Variants in CHKA observed in about 807,000 individuals in gnomAD.
CHKA encodes the protein CHETK-alpha.
A neutral mutation model predicts 60.1 loss-of-function variants in CHKA; 34 were observed. That is an observed-to-expected ratio of 0.57 (90% CI 0.43 to 0.75). The LOEUF is 0.75. CHKA is among the 30% of genes least tolerant of loss of function. The probability of loss-of-function intolerance (pLI) is 0.00; values close to 1 mark genes in which losing one functional copy is unlikely to be tolerated. For missense variants in CHKA, 563 were observed against 561.3 expected, an observed-to-expected ratio of 1.00 and a Z score of -0.03; for synonymous variants, 217 against 223.1, an observed-to-expected ratio of 0.97 and a Z score of 0.24.
chr11:68,064,407 C>CAAAAAAAAAAA, intron 10 of CHKA, 118 bp downstream of exon 10: 1 of 421,642 alleles, frequency 2.4e-6, no homozygotes, highest in South Asian at 3.1e-5. Context: ...GACTCTGTCT[C>CAAAAAAAAAAA]AAAAAAAAAA....
At chr11:68,064,988 T>G (rs1306145760) in intron 9 of CHKA, among the ~76,000 whole-genome samples, 1 of 152,218 alleles carries the variant, frequency 6.6e-6, no homozygotes, top group Non-Finnish European at 1.5e-5. Context: ...AGTGCTGGGC[T>G]GAGGAATGGG....
At chr11:68,083,278 G>C (rs1233145937) in intron 2 of CHKA, among the ~76,000 whole-genome samples, 1 of 152,042 alleles carries the variant, frequency 6.6e-6, no homozygotes, top group Non-Finnish European at 1.5e-5. Context: ...TCCCATCCAG[G>C]GTCTTGGTAA....
intron 10 of CHKA, among the ~76,000 whole-genome samples, chr11:68,062,771 G>A (rs1463997167): frequency 1.3e-5 from 2 of 152,094 alleles, no homozygotes; most frequent in East Asian, 1.9e-4. Context: ...TCCTCCATCT[G>A]TTTTTTTCTA....
intron 2 of CHKA, among the ~76,000 whole-genome samples, chr11:68,093,118 T>C (rs11228129): frequency 0.64 from 97,447 of 151,318 alleles, 31,531 homozygotes; most frequent in Middle Eastern, 0.75. Flanking sequence ...AGAGATCTTC[T>C]CACCTCAGCC....
At chr11:68,069,042 C>CA in intron 6 of CHKA, 105 bp from the exon 7 acceptor site, 7 of 782,374 alleles carry the variant, frequency 8.9e-6, no homozygotes, top group Non-Finnish European at 1.3e-5. Context: ...CAAAGCAACA[C>CA]ACAGTTTCAG....
At chr11:68,087,696 C>G (rs1369169048) in intron 2 of CHKA, among the ~76,000 whole-genome samples, 2 of 152,142 alleles carry the variant, frequency 1.3e-5, no homozygotes, top group African/African-American at 2.4e-5. Flanking sequence ...CCTACCACCC[C>G]TTCCTCACCA....
chr11:68,098,510 G>A (rs1857588400), intron 1 of CHKA, among the ~76,000 whole-genome samples: 1 of 152,242 alleles, frequency 6.6e-6, no homozygotes, highest in African/African-American at 2.4e-5. Context: ...TGGAAATGGG[G>A]AGTTGGTTTA....
chr11:68,090,192 T>G (rs1023915045), intron 2 of CHKA, among the ~76,000 whole-genome samples: 2 of 152,178 alleles, frequency 1.3e-5, no homozygotes, highest in Non-Finnish European at 2.9e-5. Context: ...TGGGAGAGTA[T>G]CAGCTAAAGA....
chr11:68,113,136 CAATT>C (rs1858241185), intron 1 of CHKA, among the ~76,000 whole-genome samples: 1 of 26,232 alleles, frequency 3.8e-5, no homozygotes, highest in African/African-American at 1.3e-4. Flanking sequence ...AAAAAAAAAA[CAATT>C]AAATTAAAAT....
intron 11 of CHKA, among the ~76,000 whole-genome samples, chr11:68,061,053 G>A (rs1405081564): frequency 7.3e-6 from 1 of 136,966 alleles, no homozygotes; most frequent in African/African-American, 2.8e-5. Flanking sequence ...AGAAAGGTTT[G>A]TCTGAAGGTT....
At chr11:68,095,683 TG>T in intron 2 of CHKA, among the ~76,000 whole-genome samples, 1 of 103,954 alleles carries the variant, frequency 9.6e-6, no homozygotes, top group Non-Finnish European at 1.7e-5. Context: ...CACACCAGCC[TG>T]GGTGACAGAG....
chr11:68,102,248 C>T (rs1857755649), intron 1 of CHKA, among the ~76,000 whole-genome samples: 1 of 152,118 alleles, frequency 6.6e-6, no homozygotes, highest in Non-Finnish European at 1.5e-5. Context: ...ACCCCAGTAG[C>T]CAAAGCAATC....
In CHKA at chr11:68,053,844, G is replaced by A. The variant is rs551071378; in HGVS notation, c.*144C>T. 24 of 572,356 alleles carry A rather than the reference G, an allele frequency of 4.2e-5. No homozygotes were observed. The highest frequency in any genetic ancestry group is 1.2e-4 in the South Asian group (5 of 42,644). 35.5% of individuals were successfully genotyped at this position (572,356 alleles called of 1,614,324 possible). A position where few individuals can be genotyped will look rare whatever the true frequency, so the allele number is the denominator to read the frequency against. On this transcript the variant is annotated 3_prime_UTR_variant, in exon 12 of 12. Coordinates refer to ENST00000265689, the MANE Select transcript of CHKA (RefSeq NM_001277.3). ...ATAAACGTCGCTCCATTTTAATACC[G>A]TCTTTAGTATCATACACATGTGTTC...
chr11:68,089,945 A>G (rs1287342850), intron 2 of CHKA: 2 of 152,098 alleles, frequency 1.3e-5, no homozygotes, highest in Non-Finnish European at 2.9e-5. Flanking sequence ...CCTTCACTCC[A>G]CCCAACATAA....
intron 11 of CHKA, among the ~76,000 whole-genome samples, chr11:68,058,999 C>T (rs1204734567): frequency 1.3e-5 from 2 of 152,118 alleles, no homozygotes; most frequent in African/African-American, 2.4e-5. Flanking sequence ...TGGGTTCAAG[C>T]GATTCTCCTG....
At chr11:68,099,612 A>G (rs1477967325) in intron 1 of CHKA, among the ~76,000 whole-genome samples, 1 of 144,402 alleles carries the variant, frequency 6.9e-6, no homozygotes, top group African/African-American at 2.6e-5. Flanking sequence ...AAAGGAACCA[A>G]AAGCAGCCTT....
chr11:68,108,527 G>C (rs1479500022), intron 1 of CHKA, among the ~76,000 whole-genome samples: 1 of 152,172 alleles, frequency 6.6e-6, no homozygotes, highest in Non-Finnish European at 1.5e-5. Context: ...GGAGGATCAC[G>C]AGGTCAGGAG....
chr11:68,078,522 G>A (rs544271023), intron 3 of CHKA, among the ~76,000 whole-genome samples: 6 of 152,226 alleles, frequency 3.9e-5, no homozygotes, highest in Non-Finnish European at 7.3e-5. Flanking sequence ...ACAGAAACGG[G>A]AGAGAGAAGT....
chr11:68,064,110 T>C (rs1332841616), intron 10 of CHKA, among the ~76,000 whole-genome samples: 1 of 152,082 alleles, frequency 6.6e-6, no homozygotes, highest in African/African-American at 2.4e-5. Context: ...AGATGTACGA[T>C]TAAAAAGAAG....
Sources: allele counts gnomAD v4.1 joint callset (sites outside exome capture counted in the v4.1 genomes callset), GRCh38; gene constraint gnomAD v4.1.1; transcripts MANE v1.5; gene names NCBI Gene and HGNC (gene_info 2026-07-23, HGNC 2026-07-21).